GPR84: variants seen among roughly 807,000 people sequenced by gnomAD.
GPR84 encodes G protein-coupled receptor 84, also known as G-protein coupled receptor 84.
Under a neutral mutation model 14.9 loss-of-function variants are expected in GPR84, and 8 were observed. The observed-to-expected ratio is 0.54, with a 90% CI of 0.31 to 0.97. The LOEUF (loss-of-function observed/expected upper bound fraction) is 0.97. GPR84 is among the 50% of genes least tolerant of loss of function. GPR84 has a pLI of 0.04. For synonymous variants in GPR84, 164 were observed against 198.1 expected, an observed-to-expected ratio of 0.83 and a Z score of 1.45; for missense variants, 424 against 498.7, an observed-to-expected ratio of 0.85 and a Z score of 1.43.
chr12:54,360,833 C>T (rs1479459634), downstream of GPR84, among the ~76,000 whole-genome samples: 1 of 152,158 alleles, frequency 6.6e-6, no homozygotes, highest in East Asian at 1.9e-4. Context: ...CCGCTACTTC[C>T]CCCAGCCCCA....
Position 54,362,954 on chromosome 12 carries a change from G to T in GPR84, c.898C>A (p.Pro300Thr). The change falls in exon 2 of 2, where the codon CCA becomes ACA. Residue 300 changes from proline to threonine, a missense_variant. Transcript: ENST00000267015. The surrounding 1 kb of genome is among the most constrained non-coding windows in gnomAD (Gnocchi z 4.0). ...SPPEASAKAQ[P>T]IKGARRAPDS... Reference sequence around the variant, plus strand: ...GGAGCTCTTCTGGCTCCTTTAATTGGCTGGGCTTTGGCAGATGCTTCTGGA... The same window carrying T: ...GGAGCTCTTCTGGCTCCTTTAATTGTCTGGGCTTTGGCAGATGCTTCTGGA... The T allele has an allele frequency of 6.2e-7, 1 of 1,614,174 alleles. No individual in the cohort carries two copies. Among genetic ancestry groups the T allele is most frequent in the African/African-American group, 1.3e-5 (1 of 75,036 alleles).
chr12:54,354,840 C>T, the GPR84 span, among the ~76,000 whole-genome samples: 2 of 152,232 alleles, frequency 1.3e-5, no homozygotes, highest in East Asian at 3.9e-4. Flanking sequence ...CCCTGCCCTT[C>T]CGTGCCATAT....
At chr12:54,353,448 C>A in the GPR84 span, among the ~76,000 whole-genome samples, 4 of 150,690 alleles carry the variant, frequency 2.7e-5, no homozygotes, top group South Asian at 2.1e-4. Context: ...CCCCCACCCC[C>A]CTATGTCTAT....
At chr12:54,359,909 A>G (rs1332215161), downstream of GPR84, among the ~76,000 whole-genome samples, 1 of 148,380 alleles carries the variant, frequency 6.7e-6, no homozygotes, top group Non-Finnish European at 1.5e-5. Context: ...AGACCCCAGG[A>G]TTTCCTTCTG....
In GPR84 at chr12:54,363,889, G is replaced by A. The variant is rs1480755185; in HGVS notation, c.-8-30C>T. ...AGAGGCAGAGGGTGGAAGAGGAAGA[G>A]GGAATCAGAACCTAGCATTCAACTT... On this transcript the variant is annotated intron_variant, in intron 1 of 1. Transcript: ENST00000267015. 2.8e-6 allele frequency: 4 copies of A among 1,434,878 alleles called. No individual in the cohort carries two copies. The South Asian group carries it at 3.8e-5, about 14-fold the overall frequency. The allele number at this position is 1,434,878 out of a possible 1,614,324, so 88.9% of individuals were successfully genotyped here. A position where few individuals can be genotyped will look rare whatever the true frequency, so the allele number is the denominator to read the frequency against.
chr12:54,360,591 A>G (rs1954258893), downstream of GPR84, among the ~76,000 whole-genome samples: 1 of 152,194 alleles, frequency 6.6e-6, no homozygotes, highest in African/African-American at 2.4e-5. Flanking sequence ...GAGGACAACC[A>G]AAAGTGCATG....
At chr12:54,355,148 T>G in the GPR84 span, among the ~76,000 whole-genome samples, 2 of 151,664 alleles carry the variant, frequency 1.3e-5, no homozygotes, top group African/African-American at 4.9e-5. Flanking sequence ...TGAGAGACGG[T>G]GAGAATAACA....
Position 54,362,924 on chromosome 12 carries a change from A to C in GPR84, c.928T>G (p.Ser310Ala). 1 of 1,614,232 alleles carries C rather than the reference A, an allele frequency of 6.2e-7. No individual in the cohort carries two copies. Among genetic ancestry groups the C allele is most frequent in the South Asian group, 1.1e-5 (1 of 91,090 alleles). Residue 310 changes from serine (S) to alanine (A), a missense_variant, in exon 2 of 2, where the codon TCT becomes GCT. Coordinates refer to ENST00000267015, the MANE Select transcript of GPR84 (RefSeq NM_020370.3). The surrounding 1 kb of genome is among the most constrained non-coding windows in gnomAD (Gnocchi z 4.0). ...GTCACCTTCCCAAATTCCGATGAAG[A>C]ATCCGGAGCTCTTCTGGCTCCTTTA... ...PIKGARRAPD[S>A]SSEFGKVTRM...
the GPR84 span, among the ~76,000 whole-genome samples, chr12:54,352,713 A>G: frequency 3.9e-5 from 6 of 152,246 alleles, no homozygotes; most frequent in South Asian, 1.2e-3. Flanking sequence ...TGAAACCCAG[A>G]GTTTTCCAGT....
chr12:54,363,933 T>A (rs1954301453), intron 1 of GPR84, 74 bp from the exon 2 acceptor site: 2 of 984,088 alleles, frequency 2.0e-6, no homozygotes, highest in Non-Finnish European at 3.0e-6. Context: ...TGAACAGTTC[T>A]GGGACCCTGG....
chr12:54,355,832 C>G, the GPR84 span, among the ~76,000 whole-genome samples: 1 of 152,120 alleles, frequency 6.6e-6, no homozygotes, highest in Admixed American at 6.5e-5. Flanking sequence ...AGCACTAGGC[C>G]GGATGCCGGG....
the GPR84 span, among the ~76,000 whole-genome samples, chr12:54,356,986 T>C: frequency 1.3e-5 from 2 of 152,184 alleles, no homozygotes; most frequent in African/African-American, 2.4e-5. Flanking sequence ...ATGTCTTTTT[T>C]CCTCAGTCCC....
At chr12:54,357,196 C>G in the GPR84 span, among the ~76,000 whole-genome samples, 1 of 152,164 alleles carries the variant, frequency 6.6e-6, no homozygotes, top group African/African-American at 2.4e-5. Flanking sequence ...GCTTTCTGAC[C>G]CTAAGTGGCT....
chr12:54,359,191 C>T (rs571763213), downstream of GPR84, among the ~76,000 whole-genome samples: 3 of 152,140 alleles, frequency 2.0e-5, no homozygotes, highest in African/African-American at 7.2e-5. Flanking sequence ...CTGCACCCCC[C>T]TCCCCGCGGC....
chr12:54,353,442 C>A, the GPR84 span, among the ~76,000 whole-genome samples: 2 of 150,910 alleles, frequency 1.3e-5, no homozygotes, highest in African/African-American at 4.9e-5. Context: ...TTCTTCCCCC[C>A]ACCCCCCTAT....
chr12:54,360,360 T>G (rs61270900), downstream of GPR84, among the ~76,000 whole-genome samples: 40 of 56,776 alleles, frequency 7.0e-4, 1 homozygote, highest in Non-Finnish European at 2.2e-3. Flanking sequence ...GTGTTAAGAG[T>G]GTACCCCGCA....
In GPR84 at chr12:54,363,061, G is replaced by T. The variant is rs1190596447; in HGVS notation, c.791C>A (p.Thr264Asn). ...ISSEPVSAATTQTLEGDSSEV... is the reference protein window; with the variant it reads ...ISSEPVSAATNQTLEGDSSEV... ...TGATGAGTCCCCTTCCAGGGTCTGG[G>T]TGGTGGCAGCACTGACTGGCTCAGA... Residue 264 changes from threonine (T) to asparagine (N), a missense_variant, in exon 2 of 2, where the codon ACC becomes AAC. Transcript: ENST00000267015. The T allele has an allele frequency of 1.2e-6, 2 of 1,614,050 alleles. No homozygotes were observed. The highest frequency in any genetic ancestry group is 1.7e-6 in the Non-Finnish European group (2 of 1,180,036).
At chr12:54,360,304 G>A (rs973633099), downstream of GPR84, among the ~76,000 whole-genome samples, 4 of 152,158 alleles carry the variant, frequency 2.6e-5, no homozygotes, top group Non-Finnish European at 4.4e-5. Context: ...GTAATTTTGT[G>A]AGGATTACAT....
rs1250829571 is a variant in GPR84, at chr12:54,363,612, G to T, written c.240C>A (p.Thr80=). 6.2e-7 allele frequency: 1 copy of T among 1,613,938 alleles called. No individual in the cohort carries two copies. The change falls in exon 2 of 2, where the codon ACC becomes ACA. Residue 80 remains threonine (T), a synonymous_variant. Transcript: ENST00000267015. ...CGGTGCGCCAGTGCAGGTGGAGGTA[G>T]GTGTCCACAGAGAAGGGCTGAAGGA... ...CTLLQPFSVD[T]YLHLHWRTGA...
Sources: allele counts gnomAD v4.1 joint callset (sites outside exome capture counted in the v4.1 genomes callset), GRCh38; gene constraint gnomAD v4.1.1; non-coding constraint Gnocchi (gnomAD v3.1); transcripts MANE v1.5; gene names NCBI Gene and HGNC (gene_info 2026-07-23, HGNC 2026-07-21).